Variants in FCHO1 observed in about 807,000 individuals in gnomAD.
FCHO1 encodes the protein FCH and mu domain containing endocytic adaptor 1.
A neutral mutation model predicts 114.4 loss-of-function variants in FCHO1; 45 were observed. The observed-to-expected ratio is 0.39, with a 90% CI of 0.31 to 0.50. The LOEUF (loss-of-function observed/expected upper bound fraction) is 0.50, where lower values mean the gene tolerates loss of function less well. Among genes scored for constraint, FCHO1 ranks in the 20% least tolerant of loss-of-function variants. The pLI, the probability that FCHO1 is intolerant of heterozygous loss-of-function variation, is 0.77. For missense variants in FCHO1, 1,042 were observed against 1,209.6 expected (o/e 0.86, Z 2.06); for synonymous variants, 480 against 488.9 (o/e 0.98, Z 0.24).
intron 28 of FCHO1, 61 bp downstream of exon 28, chr19:17,787,907 C>T (rs995997885): frequency 1.7e-5 from 25 of 1,461,784 alleles, no homozygotes; most frequent in Middle Eastern, 2.1e-4. Flanking sequence ...GGGCAAGCCC[C>T]GGGGTGTGGG....
Position 17,776,167 on chromosome 19 carries a change from G to T in FCHO1, c.1182+6G>T, listed in dbSNP as rs892310444. 1 of 1,614,024 alleles carries T rather than the reference G, an allele frequency of 6.2e-7. No individual in the cohort carries two copies. Among genetic ancestry groups the T allele is most frequent in the Non-Finnish European group, 8.5e-7 (1 of 1,179,952 alleles). ...TCCTTCCTCCTGGCCCAGGGGTGAG[G>T]CGTGGGAGGGGTGCCCTGGGTGTTG... On this transcript the variant is annotated splice_donor_region_variant and intron_variant, in intron 16 of 28. Coordinates refer to ENST00000596536, the MANE Select transcript of FCHO1 (RefSeq NM_015122.3). The surrounding 1 kb of genome is among the most constrained non-coding windows in gnomAD (Gnocchi z 4.4).
intron 19 of FCHO1, 87 bp from the exon 20 acceptor site, chr19:17,778,522 C>T (rs1221742309): frequency 8.4e-6 from 12 of 1,429,484 alleles, no homozygotes; most frequent in Non-Finnish European, 1.0e-5. Context: ...CCTGACCTTC[C>T]CTCGACGTGG....
chr19:17,782,021 CAG>C (rs1369365127), intron 23 of FCHO1, among the ~76,000 whole-genome samples: 2 of 130,610 alleles, frequency 1.5e-5, no homozygotes, highest in East Asian at 2.2e-4. Flanking sequence ...TTTTTTGAGA[CAG>C]AGTTTCGCTC....
intron 4 of FCHO1, among the ~76,000 whole-genome samples, chr19:17,757,540 C>G (rs900633752): frequency 6.6e-6 from 1 of 152,130 alleles, no homozygotes; most frequent in African/African-American, 2.4e-5. Flanking sequence ...GCCAGAGAGA[C>G]GAAGTCACCA....
intron 4 of FCHO1, among the ~76,000 whole-genome samples, chr19:17,762,175 G>A (rs999370880): frequency 2.0e-5 from 3 of 151,808 alleles, no homozygotes; most frequent in African/African-American, 7.3e-5. Context: ...TAGTAGAGAC[G>A]GAGTTTTGCC....
rs1491266072 is a variant in FCHO1, at chr19:17,761,653, T to TATATATAC, written c.28-1108_28-1107insTATATACA. ...ATATACATATATATATATATATATA[T>TATATATAC]ACACACACACTTCCCCCCCGCCCTG... On this transcript the variant is annotated intron_variant, in intron 4 of 28. Coordinates refer to ENST00000596536, the MANE Select transcript of FCHO1 (RefSeq NM_015122.3). Among the ~76,000 whole-genome samples the TATATATAC allele has an allele frequency of 7.5e-3, 1,045 of 139,742 alleles. 14 individuals are homozygous for TATATATAC. The highest frequency in any genetic ancestry group is 0.026 in the African/African-American group (994 of 37,594). The allele number at this position is 139,742 out of a possible 152,430, so 91.7% of individuals were successfully genotyped here.
intron 4 of FCHO1, among the ~76,000 whole-genome samples, chr19:17,759,759 C>T (rs1016568296): frequency 1.3e-5 from 2 of 151,556 alleles, no homozygotes; most frequent in African/African-American, 4.8e-5. Context: ...ATGGTGAAAC[C>T]CTGTCTATAC....
chr19:17,772,053 C>T (rs185967639), intron 9 of FCHO1, among the ~76,000 whole-genome samples: 13 of 152,276 alleles, frequency 8.5e-5, no homozygotes, highest in African/African-American at 2.6e-4. Context: ...TCAGATGATC[C>T]ACCTGCCTTG....
At chr19:17,770,993 C>T (rs2091336392) in intron 9 of FCHO1, 97 bp downstream of exon 9, 2 of 1,050,752 alleles carry the variant, frequency 1.9e-6, no homozygotes, top group Non-Finnish European at 2.8e-6. Flanking sequence ...GTGGCTCACA[C>T]CTGTAATCCC....
In FCHO1 at chr19:17,787,865, G is replaced by A; in HGVS notation, c.2647+19G>A. On this transcript the variant is annotated intron_variant, in intron 28 of 28. Coordinates refer to ENST00000596536, the MANE Select transcript of FCHO1 (RefSeq NM_015122.3). ...GCCACAGGTACTCCCCAACCCTGCTGCTGGGTGACCTCAGGAGCCGAGATC... is the reference window on the plus strand; with the variant it reads ...GCCACAGGTACTCCCCAACCCTGCTACTGGGTGACCTCAGGAGCCGAGATC... The A allele has an allele frequency of 1.9e-6, 3 of 1,607,914 alleles. No individual in the cohort carries two copies. Among genetic ancestry groups the A allele is most frequent in the Non-Finnish European group, 2.5e-6 (3 of 1,176,778 alleles).
chr19:17,778,489 C>G (rs2092938094), intron 19 of FCHO1, 120 bp from the exon 20 acceptor site: 2 of 1,165,752 alleles, frequency 1.7e-6, no homozygotes, highest in Middle Eastern at 2.9e-4. Context: ...GGGGCGTGCA[C>G]AAGGACTTTG....
At chr19:17,783,413 G>A (rs1276568589) in intron 24 of FCHO1, among the ~76,000 whole-genome samples, 1 of 151,026 alleles carries the variant, frequency 6.6e-6, no homozygotes, top group African/African-American at 2.4e-5. Context: ...TTACAGGCAC[G>A]TGCCACTACA....
Position 17,766,754 on chromosome 19 carries a change from G to A in FCHO1, c.280G>A (p.Asp94Asn). The A allele has an allele frequency of 6.2e-7, 1 of 1,614,136 alleles. No homozygotes were observed. The change falls in exon 7 of 29, where the codon GAT becomes AAT. Residue 94 changes from aspartate (D) to asparagine (N), a missense_variant. Asp to Asn is a conservative substitution (Grantham distance 23). Around this residue, in one of 3 missense-constraint regions of FCHO1, gnomAD observed 450 missense variants for 564.1 expected, o/e 0.80. Transcript: ENST00000596536. ...CCTGGAACTGACACGGAAGTTACAGGATCTCATCAAGGACGTTCTCCGCTA... is the reference window on the plus strand; with the variant it reads ...CCTGGAACTGACACGGAAGTTACAGAATCTCATCAAGGACGTTCTCCGCTA... ...CHLELTRKLQ[D>N]LIKDVLRYGE... is the part of the protein sequence containing the mutation.
intron 4 of FCHO1, 67 bp from the exon 5 acceptor site, chr19:17,762,695 C>G: frequency 2.5e-6 from 3 of 1,185,598 alleles, no homozygotes; most frequent in Non-Finnish European, 3.8e-6. Context: ...CTTGGCCACG[C>G]CCCCGTTGCT....
chr19:17,770,379 T>C, intron 7 of FCHO1, 46 bp from the exon 8 acceptor site: 1 of 1,556,904 alleles, frequency 6.4e-7, no homozygotes, highest in Non-Finnish European at 8.7e-7. Context: ...GTTTGGGAGG[T>C]CAGGAATTTC....
chr19:17,752,867 A>T (rs561189049), intron 1 of FCHO1, among the ~76,000 whole-genome samples: 1 of 151,920 alleles, frequency 6.6e-6, no homozygotes, highest in Non-Finnish European at 1.5e-5. Context: ...GCCACTGCAC[A>T]CTCCAGCCTG....
intron 4 of FCHO1, among the ~76,000 whole-genome samples, chr19:17,758,169 C>T (rs560702359): frequency 1.3e-3 from 197 of 151,448 alleles, no homozygotes; most frequent in South Asian, 2.7e-3. Context: ...GAGCCAAGAT[C>T]GCATCACTGC....
At chr19:17,786,543 G>A (rs1342894427) in intron 26 of FCHO1, 31 bp from the exon 27 acceptor site, 1 of 1,608,788 alleles carries the variant, frequency 6.2e-7, no homozygotes, top group Non-Finnish European at 8.5e-7. Context: ...CCTCTCTGGG[G>A]AAGCCCTGAT....
chr19:17,783,132 G>A lies in FCHO1; in HGVS notation c.2053G>A (p.Ala685Thr), dbSNP rs775232231. The change falls in exon 24 of 29, where the codon GCT becomes ACT. Residue 685 changes from alanine to threonine, a missense_variant. Physicochemically the swap from Ala to Thr is moderately conservative, Grantham distance 58 (BLOSUM62 0). Transcript: ENST00000596536. ...VLSFRLVHTTAIEHFQPNADL... is the reference protein window; with the variant it reads ...VLSFRLVHTTTIEHFQPNADL... ...CAGCTTCCGGCTTGTACACACAACC[G>A]CTATTGAGCACTTCCAGCCCAACGC... is the stretch of plus-strand genomic sequence containing the variant. 22 of 1,614,008 alleles carry A rather than the reference G, an allele frequency of 1.4e-5. No individual in the cohort carries two copies. The highest frequency in any genetic ancestry group is 1.2e-4 in the Admixed American group (7 of 59,990).
Sources: gnomAD v4.1 joint callset for allele counts (sites outside exome capture counted in the v4.1 genomes callset) on GRCh38, gnomAD v4.1.1 for gene constraint, gnomAD v4.1.1 regional missense constraint, Gnocchi (gnomAD v3.1) non-coding constraint, MANE v1.5 for transcripts, NCBI Gene and HGNC (gene_info 2026-07-23, HGNC 2026-07-21) for gene names.